Variants in RASSF9 observed in about 807,000 individuals in gnomAD.
The protein encoded by RASSF9 is ras association domain-containing protein 9.
In RASSF9, 18 loss-of-function variants were observed where a neutral mutation model predicts 21.4. That is an observed-to-expected ratio of 0.84 (90% CI 0.58 to 1.25). The LOEUF is 1.25. Among genes scored for constraint, RASSF9 ranks in the 50% most tolerant of loss-of-function variants. The pLI, the probability that RASSF9 is intolerant of heterozygous loss-of-function variation, is 0.00. For missense variants in RASSF9, 480 were observed against 503.2 expected (o/e 0.95, Z 0.44); for synonymous variants, 183 against 179.1 (o/e 1.02, Z -0.18).
intron 1 of RASSF9, among the ~76,000 whole-genome samples, chr12:85,831,107 A>G (rs2136564376): frequency 6.6e-6 from 1 of 152,138 alleles, no homozygotes. Flanking sequence ...AAGGACTGGT[A>G]TTCATATACA....
In RASSF9 at chr12:85,804,924, C is replaced by T. The variant is rs1211257924; in HGVS notation, c.1086G>A (p.Lys362=). ...MKAKEYELLA[K]EFNSLHISNK... The stretch of plus-strand genomic sequence containing the variant: ...TGCTAATGTGAAGTGAATTGAATTC[C>T]TTGGCCAGGAGTTCATATTCTTTTG... Residue 362 remains lysine (K), a synonymous_variant, in exon 2 of 2, where the codon AAG becomes AAA. Coordinates refer to ENST00000361228, the MANE Select transcript of RASSF9 (RefSeq NM_005447.4). The T allele has an allele frequency of 4.3e-6, 7 of 1,613,738 alleles. No individual in the cohort carries two copies. The highest frequency in any genetic ancestry group is 5.1e-6 in the Non-Finnish European group (6 of 1,179,814).
At chr12:85,808,296 A>G (rs1329964300) in intron 1 of RASSF9, among the ~76,000 whole-genome samples, 1 of 152,146 alleles carries the variant, frequency 6.6e-6, no homozygotes, top group Non-Finnish European at 1.5e-5. Context: ...ATTTCCAGGA[A>G]AATATAAGTA....
rs1292861497 is a variant in RASSF9 at position 85,803,817 on chromosome 12, A to G, written c.*885T>C. ...TGGTCTCCTCTCTGTAGGTTCAGAG[A>G]CAAAATGCTAATAATTATAGCAGAT... On this transcript the variant is annotated 3_prime_UTR_variant, in exon 2 of 2. Transcript: ENST00000361228. 6.6e-6 allele frequency: 1 copy of G among 152,194 alleles called. No homozygotes were observed. Among genetic ancestry groups the G allele is most frequent in the Non-Finnish European group, 1.5e-5 (1 of 68,010 alleles). 9.4% of individuals were successfully genotyped at this position (152,194 alleles called of 1,614,324 possible).
chr12:85,828,404 A>G lies in RASSF9; in HGVS notation c.47+7751T>C, dbSNP rs1880379679. Among the ~76,000 whole-genome samples the G allele has an allele frequency of 2.6e-5, 4 of 152,126 alleles. No homozygotes were observed. In the South Asian group the frequency reaches 8.3e-4, roughly 32 times the overall value. On this transcript the variant is annotated intron_variant, in intron 1 of 1. Transcript: ENST00000361228. Reference sequence around the variant, plus strand: ...AGGATAAATATTTGAGGTGGTAGATACCTCATTTACCCTGATGTGATTATT... The same window carrying G: ...AGGATAAATATTTGAGGTGGTAGATGCCTCATTTACCCTGATGTGATTATT...
At chr12:85,809,667 T>C (rs953409280) in intron 1 of RASSF9, among the ~76,000 whole-genome samples, 39 of 115,764 alleles carry the variant, frequency 3.4e-4, no homozygotes, top group Admixed American at 5.8e-4. Context: ...AGAATAGTAA[T>C]AATGATGATG....
chr12:85,821,052 G>C (rs979314322), intron 1 of RASSF9, among the ~76,000 whole-genome samples: 2 of 151,974 alleles, frequency 1.3e-5, no homozygotes, highest in African/African-American at 4.8e-5. Flanking sequence ...GCTGAGACAG[G>C]ACAATTGCTT....
chr12:85,836,324 C>T lies in RASSF9; in HGVS notation c.-123G>A. 12 of 1,523,068 alleles carry T rather than the reference C, an allele frequency of 7.9e-6. No individual in the cohort carries two copies. The highest frequency in any genetic ancestry group is 1.1e-5 in the Non-Finnish European group (12 of 1,134,610). The allele number at this position is 1,523,068 out of a possible 1,614,324, so 94.3% of individuals were successfully genotyped here. ...AGCTTTCTCTTCTCCTCGGATGTTCCTGGCTTTCAGCTCATTAGTAGCCGG... is the reference window on the plus strand; with the variant it reads ...AGCTTTCTCTTCTCCTCGGATGTTCTTGGCTTTCAGCTCATTAGTAGCCGG... On this transcript the variant is annotated 5_prime_UTR_variant, in exon 1 of 2. Coordinates refer to ENST00000361228, the MANE Select transcript of RASSF9 (RefSeq NM_005447.4).
rs776105324 is a variant in RASSF9, at chr12:85,802,930, G to A, written c.*1772C>T. On this transcript the variant is annotated 3_prime_UTR_variant, in exon 2 of 2. Transcript: ENST00000361228. ...GCCAGAATTATTACTCTTTATCACT[G>A]TATTTTTCCATAGAATGGAAATTTC... 2.0e-5 allele frequency: 3 copies of A among 151,922 alleles called. No individual in the cohort carries two copies. Among genetic ancestry groups the A allele is most frequent in the Non-Finnish European group, 2.9e-5 (2 of 67,964 alleles). The allele number at this position is 151,922 out of a possible 1,614,324, so 9.4% of individuals were successfully genotyped here.
At chr12:85,824,504 C>T (rs1281318414) in intron 1 of RASSF9, among the ~76,000 whole-genome samples, 1 of 152,266 alleles carries the variant, frequency 6.6e-6, no homozygotes, top group East Asian at 1.9e-4. Context: ...CACATTTGTG[C>T]CCCGTAATCT....
intron 1 of RASSF9, among the ~76,000 whole-genome samples, chr12:85,831,171 T>C (rs901766501): frequency 6.6e-6 from 1 of 152,036 alleles, no homozygotes; most frequent in African/African-American, 2.4e-5. Context: ...TTTTCAGAAC[T>C]ACTATCAAAA....
chr12:85,805,313 C>T lies in RASSF9; in HGVS notation c.697G>A (p.Asp233Asn), dbSNP rs778059295. The change falls in exon 2 of 2, where the codon GAT becomes AAT. Residue 233 changes from aspartate to asparagine, a missense_variant. By Grantham distance (23) the Asp-to-Asn change is conservative (BLOSUM62 1). Transcript: ENST00000361228. ...CTGAAACTGGGCATTAAATATGCATCCTGAACATAGTTTTCTCCATCATTT... is the reference window on the plus strand; with the variant it reads ...CTGAAACTGGGCATTAAATATGCATTCTGAACATAGTTTTCTCCATCATTT... ...VENDGENYVQ[D>N]AYLMPSFSEV... The T allele has an allele frequency of 6.2e-7, 1 of 1,613,530 alleles. No individual in the cohort carries two copies. Among genetic ancestry groups the T allele is most frequent in the South Asian group, 1.1e-5 (1 of 91,082 alleles).
At chr12:85,814,654 T>C (rs1016928232) in intron 1 of RASSF9, among the ~76,000 whole-genome samples, 1 of 141,688 alleles carries the variant, frequency 7.1e-6, no homozygotes, top group Non-Finnish European at 1.6e-5. Context: ...AAAATATGAA[T>C]AGAAATTTTT....
chr12:85,834,622 A>G (rs945914311), intron 1 of RASSF9, among the ~76,000 whole-genome samples: 1 of 152,104 alleles, frequency 6.6e-6, no homozygotes, highest in Non-Finnish European at 1.5e-5. Context: ...CAAACAAACA[A>G]ACAGAAAGCC....
In RASSF9 at chr12:85,805,758, T is replaced by C. The variant is rs148047831; in HGVS notation, c.252A>G (p.Arg84=). 1.1e-3 allele frequency: 1,714 copies of C among 1,613,752 alleles called. 13 individuals carry two copies. The African/African-American group carries it at 0.021, about 20-fold the overall frequency. ...GTGGAGGAAGAACCCTTTCGGAGCC[T>C]CTCCACTTCTCTATGATGCAGTAAT... is the stretch of plus-strand genomic sequence containing the variant. ...PSDYCIIEKW[R]GSERVLPPLT... Residue 84 remains arginine, a synonymous_variant, in exon 2 of 2, where the codon AGA becomes AGG. Transcript: ENST00000361228.
chr12:85,804,112 G>A lies in RASSF9; in HGVS notation c.*590C>T, dbSNP rs185867527. 1 of 152,314 alleles carries A rather than the reference G, an allele frequency of 6.6e-6. No individual in the cohort carries two copies. The highest frequency in any genetic ancestry group is 1.9e-4 in the East Asian group (1 of 5,178). 9.4% of individuals were successfully genotyped at this position (152,314 alleles called of 1,614,324 possible). ...GTACCCTATACGTGTCTGATTCCCT[G>A]CCAGTATTTATACATGTCCCAACAG... On this transcript the variant is annotated 3_prime_UTR_variant, in exon 2 of 2. Coordinates refer to ENST00000361228, the MANE Select transcript of RASSF9 (RefSeq NM_005447.4).
chr12:85,817,258 T>C (rs1263878381), intron 1 of RASSF9, among the ~76,000 whole-genome samples: 1 of 152,090 alleles, frequency 6.6e-6, no homozygotes, highest in Non-Finnish European at 1.5e-5. Flanking sequence ...GAATAATCCA[T>C]TTAGATGTTA....
chr12:85,808,692 G>A (rs1165202893), intron 1 of RASSF9, among the ~76,000 whole-genome samples: 1 of 151,318 alleles, frequency 6.6e-6, no homozygotes, highest in Non-Finnish European at 1.5e-5. Flanking sequence ...TCCAAAATTA[G>A]TATAACATTT....
At chr12:85,822,988 C>T (rs1432469717) in intron 1 of RASSF9, among the ~76,000 whole-genome samples, 1 of 152,070 alleles carries the variant, frequency 6.6e-6, no homozygotes, top group Admixed American at 6.5e-5. Context: ...ATCACGAGGT[C>T]AGGAGATCGA....
At chr12:85,806,036 T>C (rs1879824610) in intron 1 of RASSF9, 74 bp from the exon 2 acceptor site, 3 of 1,458,834 alleles carry the variant, frequency 2.1e-6, no homozygotes, top group Non-Finnish European at 1.8e-6. Flanking sequence ...TTAACATTAG[T>C]ATGCTTTCTA....
Sources: gnomAD v4.1 joint callset for allele counts (sites outside exome capture counted in the v4.1 genomes callset) on GRCh38, gnomAD v4.1.1 for gene constraint, MANE v1.5 for transcripts, NCBI Gene and HGNC (gene_info 2026-07-23, HGNC 2026-07-21) for gene names.